The following CADPS variants were observed in gnomAD, a reference collection of about 807,000 sequenced individuals.
The protein encoded by CADPS is calcium-dependent secretion activator 1.
A neutral mutation model predicts 167.3 loss-of-function variants in CADPS; 57 were observed. The ratio of observed to expected loss-of-function variants is 0.34; its 90% CI spans 0.28 to 0.42. The LOEUF (loss-of-function observed/expected upper bound fraction) is 0.42, where lower values mean the gene tolerates loss of function less well. Among genes scored for constraint, CADPS ranks in the 20% least tolerant of loss-of-function variants. The pLI is 1.00. For synonymous variants in CADPS, 676 were observed against 635.3 expected, an observed-to-expected ratio of 1.06 and a Z score of -0.96; for missense variants, 1,414 against 1,738.1, an observed-to-expected ratio of 0.81 and a Z score of 3.32.
intron 1 of CADPS, among the ~76,000 whole-genome samples, chr3:62,778,493 A>G (rs1325489173): frequency 6.6e-6 from 1 of 152,182 alleles, no homozygotes; most frequent in Non-Finnish European, 1.5e-5. Context: ...CTTCTCTCTG[A>G]TGGCTCCTTC....
chr3:62,697,955 T>C (rs2080644553), intron 3 of CADPS, among the ~76,000 whole-genome samples: 1 of 152,118 alleles, frequency 6.6e-6, no homozygotes, highest in Non-Finnish European at 1.5e-5. Flanking sequence ...GGGTTGTTTC[T>C]TTCTTGCTAA....
chr3:62,569,068 A>T (rs9820569), intron 9 of CADPS, among the ~76,000 whole-genome samples: 28,829 of 152,116 alleles, frequency 0.19, 3,289 homozygotes, highest in African/African-American at 0.31. Flanking sequence ...ACAAGCTAAA[A>T]TAGCCTCAAT....
intron 1 of CADPS, among the ~76,000 whole-genome samples, chr3:62,830,428 T>C (rs486786): frequency 3.9e-5 from 6 of 151,970 alleles, no homozygotes; most frequent in Non-Finnish European, 8.8e-5. Context: ...TTTTCCCTCT[T>C]GGATATACTT....
At chr3:62,587,304 T>C (rs2084856238) in intron 7 of CADPS, among the ~76,000 whole-genome samples, 1 of 152,216 alleles carries the variant, frequency 6.6e-6, no homozygotes, top group African/African-American at 2.4e-5. Context: ...ATAGGACAGA[T>C]GCTGGGAGGA....
At position 62,557,847 on chromosome 3, in the gene CADPS, T is replaced by C. The variant is rs529639055; in HGVS notation, c.1645-334A>G. Reference sequence around the variant, plus strand: ...ATTATCATTATTGCTTTTAATATAATTGGGTTAAGCTACATGTGACTGCCA... The same window carrying C: ...ATTATCATTATTGCTTTTAATATAACTGGGTTAAGCTACATGTGACTGCCA... On this transcript the variant is annotated intron_variant, in intron 9 of 29. Coordinates refer to ENST00000383710, the MANE Select transcript of CADPS (RefSeq NM_003716.4). 9.9e-5 allele frequency among the ~76,000 whole-genome samples: 15 copies of C among 152,280 alleles called. No individual in the cohort carries two copies. In the South Asian group the frequency reaches 3.1e-3, roughly 32 times the overall value.
At chr3:62,588,373 T>C (rs76707984) in intron 7 of CADPS, among the ~76,000 whole-genome samples, 1,777 of 151,992 alleles carry the variant, frequency 0.012, 31 homozygotes, top group African/African-American at 0.04. Context: ...GTGTCCCTTA[T>C]GCTTTGTGAG....
chr3:62,514,085 C>CAATATTACTACAACTTCTTTCCAG lies in CADPS; in HGVS notation c.2582-1341_2582-1318dup, dbSNP rs2068452806. Among the ~76,000 whole-genome samples the CAATATTACTACAACTTCTTTCCAG allele has an allele frequency of 6.6e-6, 1 of 152,046 alleles. No individual in the cohort carries two copies. The highest frequency in any genetic ancestry group is 1.5e-5 in the Non-Finnish European group (1 of 67,970). On this transcript the variant is annotated intron_variant, in intron 16 of 29. Coordinates refer to ENST00000383710, the MANE Select transcript of CADPS (RefSeq NM_003716.4). This position sits in a 1 kb window ranked among gnomAD's most constrained non-coding sequence, Gnocchi z 4.2. ...ATTTCTTCATAAACATAGTCTCCAG[C>CAATATTACTACAACTTCTTTCCAG]AATATTACTACAACTTCTTTCCAGA... is the stretch of plus-strand genomic sequence containing the variant.
chr3:62,548,010 T>G (rs1024930392), intron 11 of CADPS, among the ~76,000 whole-genome samples: 1 of 152,082 alleles, frequency 6.6e-6, no homozygotes, highest in African/African-American at 2.4e-5. Flanking sequence ...TTAGAAGAAA[T>G]GAAGATTATT....
intron 6 of CADPS, among the ~76,000 whole-genome samples, chr3:62,606,580 A>C (rs984013569): frequency 1.3e-5 from 2 of 152,200 alleles, no homozygotes; most frequent in Non-Finnish European, 2.9e-5. Flanking sequence ...TTTTCTTTAT[A>C]AATTATCCAG....
At chr3:62,617,346 GA>G (rs963143487) in intron 6 of CADPS, among the ~76,000 whole-genome samples, 27 of 151,990 alleles carry the variant, frequency 1.8e-4, no homozygotes, top group African/African-American at 6.3e-4. Context: ...CTTAAGAATG[GA>G]AAAAAAATAT....
rs540641721 is a variant in CADPS at position 62,745,261 on chromosome 3, C to T, written c.888+8180G>A. 1.4e-4 allele frequency among the ~76,000 whole-genome samples: 21 copies of T among 152,132 alleles called. No individual in the cohort carries two copies. In the South Asian group the frequency reaches 1.5e-3, roughly 11 times the overall value. ...TATTTTGTATTATTTTTTGTAGAGA[C>T]GGCATTTCACCATGTTGCCCAGCCT... On this transcript the variant is annotated intron_variant, in intron 3 of 29. Coordinates refer to ENST00000383710, the MANE Select transcript of CADPS (RefSeq NM_003716.4).
At chr3:62,411,334 A>G (rs1305237575) in intron 28 of CADPS, among the ~76,000 whole-genome samples, 2 of 152,182 alleles carry the variant, frequency 1.3e-5, no homozygotes, top group Non-Finnish European at 2.9e-5. Context: ...GGCTAATGAA[A>G]TAACATTTTG....
chr3:62,515,981 C>G, intron 16 of CADPS, 78 bp downstream of exon 16: 1 of 1,571,040 alleles, frequency 6.4e-7, no homozygotes, highest in Non-Finnish European at 8.7e-7. Flanking sequence ...TTCAGGTGCC[C>G]TTGAGAAAAG....
chr3:62,593,384 C>CA (rs2086515399), intron 6 of CADPS, among the ~76,000 whole-genome samples: 1 of 152,196 alleles, frequency 6.6e-6, no homozygotes, highest in Admixed American at 6.5e-5. Context: ...CTGGCTTACC[C>CA]AAAATCTGGG....
At chr3:62,413,889 T>TA (rs367569332) in intron 28 of CADPS, among the ~76,000 whole-genome samples, 2,128 of 74,078 alleles carry the variant, frequency 0.029, 25 homozygotes, top group Non-Finnish European at 0.043. Context: ...AAACATACTT[T>TA]AAAAAAAAAA....
At chr3:62,637,814 T>C (rs2066599770) in intron 6 of CADPS, among the ~76,000 whole-genome samples, 1 of 152,154 alleles carries the variant, frequency 6.6e-6, no homozygotes, top group African/African-American at 2.4e-5. Flanking sequence ...CCTCTCTGGA[T>C]TTCAATATTT....
intron 26 of CADPS, among the ~76,000 whole-genome samples, chr3:62,456,912 C>T (rs766343679): frequency 3.8e-4 from 58 of 152,106 alleles, no homozygotes; most frequent in Admixed American, 1.6e-3. Flanking sequence ...AAATGGAGAT[C>T]GGCTCTCACC....
chr3:62,403,613 C>T (rs1241934625), intron 28 of CADPS: 1 of 152,562 alleles, frequency 6.6e-6, no homozygotes, highest in Non-Finnish European at 1.5e-5. Context: ...TTCCTTGCCA[C>T]TTACCGTTTG....
chr3:62,658,872 G>C (rs1288064539), intron 4 of CADPS, among the ~76,000 whole-genome samples: 1 of 152,176 alleles, frequency 6.6e-6, no homozygotes, highest in Non-Finnish European at 1.5e-5. Context: ...TTGTGAATTT[G>C]CAGGGGATAA....
Sources: allele counts gnomAD v4.1 joint callset (sites outside exome capture counted in the v4.1 genomes callset), GRCh38; gene constraint gnomAD v4.1.1; non-coding constraint Gnocchi (gnomAD v3.1); transcripts MANE v1.5; gene names NCBI Gene and HGNC (gene_info 2026-07-23, HGNC 2026-07-21).